The following HUWE1 variants were observed in gnomAD, a reference collection of about 807,000 sequenced individuals.
The protein encoded by HUWE1 is HECT, UBA and WWE domain containing E3 ubiquitin protein ligase 1, also known as E3 ubiquitin-protein ligase HUWE1.
Under a neutral mutation model 299.4 loss-of-function variants are expected in HUWE1, and 18 were observed. The ratio of observed to expected loss-of-function variants is 0.06; its 90% CI spans 0.04 to 0.09. The LOEUF (loss-of-function observed/expected upper bound fraction) is 0.09, where lower values mean the gene tolerates loss of function less well. Ranked by LOEUF, HUWE1 falls within the 10% of genes least tolerant of loss-of-function variation. The pLI is 1.00. For missense variants in HUWE1, 1,832 were observed against 3,462.3 expected, an observed-to-expected ratio of 0.53 and a Z score of 11.82; for synonymous variants, 1,317 against 1,286.1, an observed-to-expected ratio of 1.02 and a Z score of -0.51.
Position 53,609,065 on chromosome X carries a change from G to C in HUWE1, c.2262-156C>G, listed in dbSNP as rs1441287623. Among the ~76,000 whole-genome samples the C allele has an allele frequency of 2.1e-4, 23 of 111,053 alleles. No homozygotes were observed. In the Admixed American group the frequency reaches 2.2e-3, roughly 11 times the overall value. On this transcript the variant is annotated intron_variant, in intron 23 of 83. Transcript: ENST00000262854. Reference sequence around the variant, plus strand: ...CAGGGTCTTGCTGTCACCCAGGCTGGAGTGCAGTGGCACAATCATGGCTCA... The same window carrying C: ...CAGGGTCTTGCTGTCACCCAGGCTGCAGTGCAGTGGCACAATCATGGCTCA...
At position 53,616,964 on chromosome X, in the gene HUWE1, A is replaced by G; in HGVS notation, c.1957+6T>C. On this transcript the variant is annotated splice_donor_region_variant and intron_variant, in intron 21 of 83. Transcript: ENST00000262854. The stretch of plus-strand genomic sequence containing the variant: ...TTCTACTATAAAATAAATCTTAACA[A>G]CTTACCAAGGGGATCAGAACTTCTC... 8.3e-7 allele frequency: 1 copy of G among 1,201,735 alleles called. No homozygotes were observed. Among genetic ancestry groups the G allele is most frequent in the Non-Finnish European group, 1.1e-6 (1 of 887,161 alleles).
In HUWE1 at chrX:53,583,550, ACACT is replaced by A; in HGVS notation, c.5520+4_5520+7del. The A allele has an allele frequency of 1.8e-6, 2 of 1,134,771 alleles. No individual in the cohort carries two copies. The highest frequency in any genetic ancestry group is 2.4e-6 in the Non-Finnish European group (2 of 825,526). The allele number at this position is 1,134,771 out of a possible 1,213,427, so 93.5% of individuals were successfully genotyped here. ...GCTAAACCAGAATCTGATACAAAAC[ACACT>A]CACCTTTTCCATGGTATGACGAAGG... is the stretch of plus-strand genomic sequence containing the variant. On this transcript the variant is annotated splice_donor_5th_base_variant and intron_variant, in intron 42 of 83. Transcript: ENST00000262854.
At chrX:53,658,493 C>T (rs1430132307) in intron 3 of HUWE1, among the ~76,000 whole-genome samples, 1 of 111,624 alleles carries the variant, frequency 9.0e-6, no homozygotes, top group Non-Finnish European at 1.9e-5. Context: ...AGTAAGAGTA[C>T]TGTACCGGTA....
At chrX:53,605,660 T>C (rs1037241438) in intron 25 of HUWE1, among the ~76,000 whole-genome samples, 1 of 112,047 alleles carries the variant, frequency 8.9e-6, no homozygotes, top group Non-Finnish European at 1.9e-5. Context: ...GTTTTGGTTT[T>C]GCAGAAATAG....
chrX:53,680,463 C>A (rs782508309), intron 2 of HUWE1: 219 of 137,953 alleles, frequency 1.6e-3, no homozygotes, highest in African/African-American at 6.4e-3. Context: ...ATTTTTTAGA[C>A]AAGTTTATAC....
chrX:53,558,609 C>A, intron 59 of HUWE1, 46 bp downstream of exon 59: 1 of 1,156,204 alleles, frequency 8.6e-7, no homozygotes, highest in Non-Finnish European at 1.2e-6. Flanking sequence ...AACCACATTA[C>A]GGCAGACACA....
intron 3 of HUWE1, among the ~76,000 whole-genome samples, chrX:53,667,978 G>A (rs937780694): frequency 5.4e-5 from 6 of 111,231 alleles, no homozygotes; most frequent in Non-Finnish European, 1.9e-5. Flanking sequence ...TTTCATTTAT[G>A]AAACACAGGT....
chrX:53,649,923 T>C (rs1163835660), intron 4 of HUWE1, among the ~76,000 whole-genome samples: 1 of 112,089 alleles, frequency 8.9e-6, no homozygotes, highest in Non-Finnish European at 1.9e-5. Context: ...GAAGCTGCTT[T>C]TGTGAATGTA....
At chrX:53,572,958 C>A (rs1008300759) in intron 47 of HUWE1, among the ~76,000 whole-genome samples, 3 of 111,191 alleles carry the variant, frequency 2.7e-5, no homozygotes, top group African/African-American at 6.5e-5. Context: ...ATTAAAAAAA[C>A]CCCCACAAAT....
At chrX:53,538,591 C>A in intron 76 of HUWE1, 137 bp from the exon 77 acceptor site, 1 of 563,113 alleles carries the variant, frequency 1.8e-6, no homozygotes, top group Non-Finnish European at 3.0e-6. Context: ...AAACCAAGGG[C>A]CAGCCCTTGA....
Position 53,542,473 on chromosome X carries a change from A to T in HUWE1, c.11446T>A (p.Ser3816Thr). The change falls in exon 74 of 84, where the codon TCT becomes ACT. Residue 3816 changes from serine to threonine, a missense_variant. Physicochemically the swap from Ser to Thr is moderately conservative, Grantham distance 58. Coordinates refer to ENST00000262854, the MANE Select transcript of HUWE1 (RefSeq NM_031407.7). ...GATTGAGTATCTTGAGCACTGGGAGATGGCTGGTCCACATCCATGGGTGAT... is the reference window on the plus strand; with the variant it reads ...GATTGAGTATCTTGAGCACTGGGAGTTGGCTGGTCCACATCCATGGGTGAT... ...EESPMDVDQPSPSAQDTQSIA... is the reference protein window; with the variant it reads ...EESPMDVDQPTPSAQDTQSIA... 1 of 1,201,373 alleles carries T rather than the reference A, an allele frequency of 8.3e-7. No individual in the cohort carries two copies. The highest frequency in any genetic ancestry group is 1.7e-5 in the African/African-American group (1 of 57,646).
Position 53,546,808 on chromosome X carries a change from C to A in HUWE1, c.10654G>T (p.Gly3552Cys), listed in dbSNP as rs1556923379. 2.5e-6 allele frequency: 3 copies of A among 1,207,864 alleles called. No individual in the cohort carries two copies. The highest frequency in any genetic ancestry group is 3.4e-6 in the Non-Finnish European group (3 of 893,675). ...CTCACCTTCGCTGGAGATTTGCTGC[C>A]CTTAGTAGTGGGAGAAACTTTGAGG... The part of the protein sequence containing the change: ...TTVSISPTTK[G>C]SKSPAKVSDG... The change falls in exon 69 of 84, where the codon GGC (glycine) becomes TGC (cysteine). Residue 3552 changes from glycine (G) to cysteine (C), a missense_variant. By Grantham distance (159) the Gly-to-Cys change is radical. Transcript: ENST00000262854.
chrX:53,558,890 G>A, intron 58 of HUWE1, 81 bp from the exon 59 acceptor site: 4 of 1,178,370 alleles, frequency 3.4e-6, no homozygotes, highest in African/African-American at 3.5e-5. Flanking sequence ...TAGCCACAGA[G>A]AACCAGGGAA....
At position 53,629,897 on chromosome X, in the gene HUWE1, A is replaced by G. The variant is rs368739959; in HGVS notation, c.863-281T>C. ...AGGAAAAGCTCTGAGTTAATTTTTC[A>G]TAACATTACTACTTGATGTAACTCC... On this transcript the variant is annotated intron_variant, in intron 12 of 83. Transcript: ENST00000262854. 1.9e-4 allele frequency among the ~76,000 whole-genome samples: 21 copies of G among 112,723 alleles called. No individual in the cohort carries two copies. The East Asian group carries it at 5.5e-3, about 30-fold the overall frequency.
chrX:53,606,384 G>T (rs2065154609), intron 25 of HUWE1, among the ~76,000 whole-genome samples: 1 of 111,967 alleles, frequency 8.9e-6, no homozygotes, highest in Non-Finnish European at 1.9e-5. Context: ...TATGCATTAG[G>T]GAAATGCCAG....
chrX:53,579,574 T>C (rs1556964754), intron 43 of HUWE1, among the ~76,000 whole-genome samples: 1 of 107,400 alleles, frequency 9.3e-6, no homozygotes, highest in Non-Finnish European at 1.9e-5. Context: ...GAAGTAGACA[T>C]GGGAGACTTT....
chrX:53,673,787 G>A (rs1237791827), intron 3 of HUWE1, among the ~76,000 whole-genome samples: 1 of 111,470 alleles, frequency 9.0e-6, no homozygotes, highest in Non-Finnish European at 1.9e-5. Flanking sequence ...TCTGGAGTGG[G>A]GGTAGGGACA....
intron 55 of HUWE1, among the ~76,000 whole-genome samples, chrX:53,560,925 T>A (rs935036683): frequency 1.8e-5 from 2 of 112,192 alleles, no homozygotes; most frequent in East Asian, 5.6e-4. Flanking sequence ...GCTGTATCCC[T>A]AGTACCTAGG....
At chrX:53,674,750 CCA>C (rs782606098) in intron 3 of HUWE1, among the ~76,000 whole-genome samples, 48 of 111,531 alleles carry the variant, frequency 4.3e-4, no homozygotes, top group African/African-American at 1.5e-3. Flanking sequence ...TTCCCCTAGA[CCA>C]CACTGTCCTA....
Sources: gnomAD v4.1 joint callset for allele counts (sites outside exome capture counted in the v4.1 genomes callset) on GRCh38, gnomAD v4.1.1 for gene constraint, MANE v1.5 for transcripts, NCBI Gene and HGNC (gene_info 2026-07-23, HGNC 2026-07-21) for gene names.